The following POLR3G variants were observed in gnomAD, a reference collection of about 807,000 sequenced individuals.
POLR3G encodes RNA polymerase III subunit G, also known as DNA-directed RNA polymerase III subunit RPC7.
A neutral mutation model predicts 30.1 loss-of-function variants in POLR3G; 28 were observed. The observed-to-expected ratio is 0.93, with a 90% confidence interval of 0.69 to 1.27. The LOEUF (loss-of-function observed/expected upper bound fraction) is 1.27. Ranked by LOEUF, POLR3G falls within the 50% of genes most tolerant of loss-of-function variation. POLR3G has a pLI of 0.00. For missense variants in POLR3G, 254 were observed against 264.6 expected (o/e 0.96, Z 0.28); for synonymous variants, 79 against 82.5 (o/e 0.96, Z 0.23).
chr5:90,484,911 C>T (rs540594332), intron 1 of POLR3G, among the ~76,000 whole-genome samples: 2 of 152,266 alleles, frequency 1.3e-5, no homozygotes, highest in African/African-American at 2.4e-5. Context: ...AGGATTCAAA[C>T]GTTCAATACA....
chr5:90,486,590 G>A (rs1168541364), intron 2 of POLR3G, among the ~76,000 whole-genome samples: 2 of 152,112 alleles, frequency 1.3e-5, no homozygotes, highest in African/African-American at 4.8e-5. Flanking sequence ...CTGGTTCTCT[G>A]CTGGAACCAT....
At chr5:90,507,289 GGA>G (rs1342849699) in intron 7 of POLR3G, among the ~76,000 whole-genome samples, 2 of 152,118 alleles carry the variant, frequency 1.3e-5, no homozygotes, top group Non-Finnish European at 2.9e-5. Flanking sequence ...AACCCTAGGT[GGA>G]GAGTTTCTTC....
intron 3 of POLR3G, among the ~76,000 whole-genome samples, chr5:90,492,169 C>T (rs1269394842): frequency 6.6e-6 from 1 of 152,196 alleles, no homozygotes; most frequent in Non-Finnish European, 1.5e-5. Context: ...AAATCTCAGA[C>T]TGTGAGTCTT....
At chr5:90,486,271 G>A (rs918120212) in intron 2 of POLR3G, among the ~76,000 whole-genome samples, 2 of 152,136 alleles carry the variant, frequency 1.3e-5, no homozygotes, top group East Asian at 3.9e-4. Context: ...TTTTGCTCTT[G>A]GTATTTTACC....
chr5:90,494,568 T>TTG (rs70999489), intron 3 of POLR3G, among the ~76,000 whole-genome samples: 1 of 151,676 alleles, frequency 6.6e-6, no homozygotes, highest in African/African-American at 2.4e-5. Context: ...ATTTTTTTTT[T>TTG]ATTCTAGCCA....
chr5:90,479,327 G>A (rs1048257966), intron 1 of POLR3G, among the ~76,000 whole-genome samples: 2 of 152,072 alleles, frequency 1.3e-5, no homozygotes, highest in African/African-American at 4.8e-5. Context: ...ACAAAAATTA[G>A]CCGGGCTTGG....
At chr5:90,487,016 A>G (rs778852132) in intron 2 of POLR3G, among the ~76,000 whole-genome samples, 1 of 152,222 alleles carries the variant, frequency 6.6e-6, no homozygotes, top group Non-Finnish European at 1.5e-5. Flanking sequence ...CTGGAGATCC[A>G]CTTGTTAATG....
At chr5:90,510,868 T>TAA (rs35627067) in intron 7 of POLR3G, among the ~76,000 whole-genome samples, 3 of 142,880 alleles carry the variant, frequency 2.1e-5, no homozygotes, top group African/African-American at 2.6e-5. Flanking sequence ...TATCCAGATT[T>TAA]AAAAAAAAAA....
At chr5:90,477,045 T>C (rs1322091914) in intron 1 of POLR3G, among the ~76,000 whole-genome samples, 3 of 152,168 alleles carry the variant, frequency 2.0e-5, no homozygotes, top group African/African-American at 4.8e-5. Flanking sequence ...AAATACTTGA[T>C]TGGATTGAAG....
chr5:90,492,795 TG>T (rs929850133), intron 3 of POLR3G, among the ~76,000 whole-genome samples: 26 of 133,794 alleles, frequency 1.9e-4, no homozygotes, highest in African/African-American at 6.8e-4. Context: ...GGCAGGAGAG[TG>T]GAGTCAACCT....
In POLR3G at chr5:90,495,706, A is replaced by G. The variant is rs1288912703; in HGVS notation, c.277A>G (p.Lys93Glu). The G allele has an allele frequency of 6.3e-7, 1 of 1,599,318 alleles. No individual in the cohort carries two copies. Among genetic ancestry groups the G allele is most frequent in the South Asian group, 1.1e-5 (1 of 87,426 alleles). Residue 93 changes from lysine to glutamate, a missense_variant, in exon 4 of 8, where the codon AAG becomes GAG. Transcript: ENST00000651687. ...DIERYSKRYM[K>E]VYKEEWIPDW... ...TGAAAGGTATAGTAAAAGATACATG[A>G]AGGTATACAAGGAAGAATGGATACC...
intron 5 of POLR3G, among the ~76,000 whole-genome samples, chr5:90,498,972 G>A (rs1351085519): frequency 6.6e-6 from 1 of 152,180 alleles, no homozygotes; most frequent in Non-Finnish European, 1.5e-5. Flanking sequence ...GGATGAATAG[G>A]AGTTTACTGA....
At chr5:90,505,411 C>T (rs1481905499) in intron 6 of POLR3G, among the ~76,000 whole-genome samples, 3 of 151,992 alleles carry the variant, frequency 2.0e-5, no homozygotes, top group Non-Finnish European at 4.4e-5. Context: ...CAGATAGTGA[C>T]AGTAATGAAA....
In POLR3G at chr5:90,495,716, A is replaced by G. The variant is rs752496323; in HGVS notation, c.287A>G (p.Lys96Arg). The change falls in exon 4 of 8, where the codon AAG becomes AGG. Residue 96 changes from lysine to arginine, a missense_variant. Transcript: ENST00000651687. ...RYSKRYMKVY[K>R]EEWIPDWRRL... ...AGTAAAAGATACATGAAGGTATACA[A>G]GGAAGAATGGATACCAGGTAACTAC... 1.9e-6 allele frequency: 3 copies of G among 1,598,944 alleles called. No individual in the cohort carries two copies. Among genetic ancestry groups the G allele is most frequent in the South Asian group, 2.3e-5 (2 of 87,348 alleles).
At chr5:90,504,312 G>C (rs772482157) in intron 6 of POLR3G, among the ~76,000 whole-genome samples, 1 of 152,048 alleles carries the variant, frequency 6.6e-6, no homozygotes, top group Non-Finnish European at 1.5e-5. Flanking sequence ...TGTAATCTCA[G>C]CACTTTGGGA....
At chr5:90,498,459 T>G in intron 5 of POLR3G, among the ~76,000 whole-genome samples, 1 of 152,166 alleles carries the variant, frequency 6.6e-6, no homozygotes, top group East Asian at 1.9e-4. Context: ...CTGTGTCTGT[T>G]GTTCCCATGT....
intron 1 of POLR3G, among the ~76,000 whole-genome samples, chr5:90,477,493 G>T (rs1387526061): frequency 6.6e-6 from 1 of 152,198 alleles, no homozygotes; most frequent in Admixed American, 6.5e-5. Flanking sequence ...GGAAGAAACA[G>T]AACATGGGAG....
chr5:90,504,605 G>A (rs1266002021), intron 6 of POLR3G, among the ~76,000 whole-genome samples: 2 of 151,644 alleles, frequency 1.3e-5, no homozygotes, highest in Non-Finnish European at 2.9e-5. Context: ...TTAAATAACT[G>A]TGTTCTTAAT....
chr5:90,482,541 G>A (rs1384251105), intron 1 of POLR3G, among the ~76,000 whole-genome samples: 1 of 152,126 alleles, frequency 6.6e-6, no homozygotes, highest in East Asian at 1.9e-4. Context: ...TGCCATTGTC[G>A]GACTAAGAAA....
Sources: gnomAD v4.1 joint callset for allele counts (sites outside exome capture counted in the v4.1 genomes callset) on GRCh38, gnomAD v4.1.1 for gene constraint, MANE v1.5 for transcripts, NCBI Gene and HGNC (gene_info 2026-07-23, HGNC 2026-07-21) for gene names.